Variants in MEI4 observed in about 807,000 individuals in gnomAD.
MEI4 encodes the protein meiosis-specific protein MEI4.
A neutral mutation model predicts 31.4 loss-of-function variants in MEI4; 27 were observed. That is an observed-to-expected ratio of 0.86 (90% CI 0.63 to 1.19). The LOEUF (loss-of-function observed/expected upper bound fraction) is 1.19, where lower values mean the gene tolerates loss of function less well. Ranked by LOEUF, MEI4 falls within the 50% of genes most tolerant of loss-of-function variation. The pLI is 0.00. For synonymous variants in MEI4, 122 were observed against 145.4 expected (o/e 0.84, Z 1.16); for missense variants, 329 against 398.9 (o/e 0.82, Z 1.49).
intron 1 of MEI4, among the ~76,000 whole-genome samples, chr6:77,666,597 G>T (rs924632304): frequency 5.3e-5 from 8 of 152,274 alleles, no homozygotes; most frequent in African/African-American, 1.7e-4. Flanking sequence ...GTAAACTGAG[G>T]CACAGAGAGG....
intron 4 of MEI4, among the ~76,000 whole-genome samples, chr6:77,845,257 A>T (rs1003904850): frequency 2.0e-5 from 3 of 152,190 alleles, no homozygotes; most frequent in Non-Finnish European, 2.9e-5. Flanking sequence ...GTACTATCTG[A>T]CAGATCATCT....
At chr6:77,764,641 C>T (rs1028247358) in intron 3 of MEI4, among the ~76,000 whole-genome samples, 4 of 152,110 alleles carry the variant, frequency 2.6e-5, no homozygotes, top group Admixed American at 2.0e-4. Flanking sequence ...TTCCAGTCAA[C>T]AGCAAAAGAA....
Position 77,714,087 on chromosome 6 carries a change from A to G in MEI4, c.232+23184A>G, listed in dbSNP as rs1020821841. The stretch of plus-strand genomic sequence containing the variant: ...ATCTCATTCTTTTGTATGGCTACAT[A>G]GTAGTCCATGTTGTATATGTACCAC... On this transcript the variant is annotated intron_variant, in intron 2 of 4. Coordinates refer to ENST00000684080, the MANE Select transcript of MEI4 (RefSeq NM_001322247.2). Among the ~76,000 whole-genome samples, 4 of 152,310 alleles carry G rather than the reference A, an allele frequency of 2.6e-5. No homozygotes were observed. The South Asian group carries it at 8.3e-4, about 32-fold the overall frequency.
chr6:77,809,553 A>G (rs1383517619), intron 3 of MEI4, among the ~76,000 whole-genome samples: 1 of 152,184 alleles, frequency 6.6e-6, no homozygotes, highest in Non-Finnish European at 1.5e-5. Flanking sequence ...TTGATTCTCA[A>G]TCTTGCATGG....
chr6:77,656,993 G>A (rs1363479862), intron 1 of MEI4, among the ~76,000 whole-genome samples: 2 of 152,078 alleles, frequency 1.3e-5, no homozygotes, highest in Admixed American at 6.5e-5. Flanking sequence ...CAGCATAATC[G>A]CAGACAGCAA....
At chr6:77,771,311 G>A (rs1169048030) in intron 3 of MEI4, among the ~76,000 whole-genome samples, 1 of 152,098 alleles carries the variant, frequency 6.6e-6, no homozygotes, top group Non-Finnish European at 1.5e-5. Context: ...AGGTTGTGGA[G>A]AAAAGGAAAC....
At chr6:77,882,914 A>G (rs1309362085) in intron 4 of MEI4, among the ~76,000 whole-genome samples, 1 of 152,240 alleles carries the variant, frequency 6.6e-6, no homozygotes, top group Non-Finnish European at 1.5e-5. Flanking sequence ...TAAAATTAAG[A>G]AAAAATACAA....
At chr6:77,691,032 T>C (rs188190546) in intron 2 of MEI4, 129 bp downstream of exon 2, 30 of 434,448 alleles carry the variant, frequency 6.9e-5, no homozygotes, top group African/African-American at 5.9e-4. Context: ...TCTTCTAGCC[T>C]TATACATTTT....
chr6:77,729,822 A>ATAAGT (rs765633584), intron 2 of MEI4, among the ~76,000 whole-genome samples: 1 of 152,216 alleles, frequency 6.6e-6, no homozygotes, highest in Non-Finnish European at 1.5e-5. Context: ...TTATGATAAT[A>ATAAGT]TAAGTTAAGG....
chr6:77,681,563 T>G (rs1768957857), intron 1 of MEI4, among the ~76,000 whole-genome samples: 1 of 152,232 alleles, frequency 6.6e-6, no homozygotes, highest in African/African-American at 2.4e-5. Flanking sequence ...AATCACTGTC[T>G]TTTCTGTTAT....
chr6:77,920,144 T>C (rs1275096541), intron 4 of MEI4, among the ~76,000 whole-genome samples: 3 of 151,248 alleles, frequency 2.0e-5, no homozygotes, highest in Middle Eastern at 3.2e-3. Flanking sequence ...CCCTAACTCA[T>C]TTTATGAGGC....
intron 2 of MEI4, among the ~76,000 whole-genome samples, chr6:77,735,156 A>G (rs1204103217): frequency 6.6e-6 from 1 of 151,824 alleles, no homozygotes; most frequent in South Asian, 2.1e-4. Flanking sequence ...CATTCTCTGT[A>G]TTTCCTGAAT....
intron 4 of MEI4, among the ~76,000 whole-genome samples, chr6:77,854,817 C>T (rs62425069): frequency 0.12 from 18,191 of 152,006 alleles, 1,279 homozygotes; most frequent in Middle Eastern, 0.2. Flanking sequence ...TCAAAGCAAC[C>T]GTCTGGTATA....
chr6:77,916,585 A>G (rs1161150122), intron 4 of MEI4, among the ~76,000 whole-genome samples: 1 of 152,016 alleles, frequency 6.6e-6, no homozygotes, highest in Non-Finnish European at 1.5e-5. Context: ...TTTACCTACT[A>G]ATTTTACATA....
chr6:77,846,065 C>T (rs1001395824), intron 4 of MEI4, among the ~76,000 whole-genome samples: 2 of 151,708 alleles, frequency 1.3e-5, no homozygotes, highest in Admixed American at 6.6e-5. Flanking sequence ...ATCATTTACT[C>T]AATTTTCTAT....
At position 77,923,413 on chromosome 6, in the gene MEI4, G is replaced by GAAAAGATTTTCAATAGTATTTT. The variant is rs1460330452; in HGVS notation, c.*70_*91dup. The GAAAAGATTTTCAATAGTATTTT allele has an allele frequency of 9.6e-6, 11 of 1,145,660 alleles. No individual in the cohort carries two copies. Among genetic ancestry groups the GAAAAGATTTTCAATAGTATTTT allele is most frequent in the Non-Finnish European group, 1.2e-5 (11 of 911,024 alleles). The allele number at this position is 1,145,660 out of a possible 1,614,324, so 71.0% of individuals were successfully genotyped here. A position where few individuals can be genotyped will look rare whatever the true frequency, so the allele number is the denominator to read the frequency against. ...GTAGAATATATGAAAATCTCATACTGAAAAGATTTTCAATAGTATTTTAAT... is the reference window on the plus strand; with the variant it reads ...GTAGAATATATGAAAATCTCATACTGAAAAGATTTTCAATAGTATTTTAAAAGATTTTCAATAGTATTTTAAT... On this transcript the variant is annotated 3_prime_UTR_variant, in exon 5 of 5. Transcript: ENST00000684080.
intron 2 of MEI4, among the ~76,000 whole-genome samples, chr6:77,718,425 A>G (rs1766632168): frequency 6.8e-6 from 1 of 147,516 alleles, no homozygotes; most frequent in South Asian, 2.1e-4. Context: ...TGTGAATTCC[A>G]CAATCTTGTA....
chr6:77,817,023 A>T (rs930245567), intron 3 of MEI4, among the ~76,000 whole-genome samples: 1 of 149,160 alleles, frequency 6.7e-6, no homozygotes, highest in East Asian at 2.0e-4. Context: ...GTGTGTGTGT[A>T]TGTGTGTGTG....
At chr6:77,796,763 C>A (rs1442437821) in intron 3 of MEI4, among the ~76,000 whole-genome samples, 3 of 152,092 alleles carry the variant, frequency 2.0e-5, no homozygotes, top group Non-Finnish European at 4.4e-5. Flanking sequence ...TCCATACCAC[C>A]CAAAGTGAGC....
Sources: allele counts gnomAD v4.1 joint callset (sites outside exome capture counted in the v4.1 genomes callset), GRCh38; gene constraint gnomAD v4.1.1; transcripts MANE v1.5; gene names NCBI Gene and HGNC (gene_info 2026-07-23, HGNC 2026-07-21).